Variants in WWP2 observed in about 807,000 individuals in gnomAD.
The protein encoded by WWP2 is WW domain containing E3 ubiquitin protein ligase 2.
A neutral mutation model predicts 121.0 loss-of-function variants in WWP2; 57 were observed. That is an observed-to-expected ratio of 0.47 (90% CI 0.38 to 0.59). WWP2 has a LOEUF of 0.59. Ranked by LOEUF, WWP2 falls within the 20% of genes least tolerant of loss-of-function variation. The pLI is 0.00. For synonymous variants in WWP2, 449 were observed against 441.3 expected (o/e 1.02, Z -0.22); for missense variants, 962 against 1,158.9 (o/e 0.83, Z 2.47).
At chr16:69,871,764 A>G in intron 6 of WWP2, 40 bp from the exon 7 acceptor site, 1 of 1,610,296 alleles carries the variant, frequency 6.2e-7, no homozygotes, top group South Asian at 1.1e-5. Context: ...TCCTTTTCAC[A>G]GTGACTTATG....
chr16:69,780,889 G>A (rs1230631382), intron 1 of WWP2, among the ~76,000 whole-genome samples: 14 of 152,102 alleles, frequency 9.2e-5, no homozygotes, highest in Non-Finnish European at 1.2e-4. Flanking sequence ...TCAGCTGGAT[G>A]TGGTGGCAAA....
At chr16:69,911,217 C>T (rs1220524782) in intron 9 of WWP2, among the ~76,000 whole-genome samples, 2 of 152,220 alleles carry the variant, frequency 1.3e-5, no homozygotes, top group African/African-American at 4.8e-5. Context: ...CCACAGGAAA[C>T]TTGTATGAGA....
chr16:69,849,690 C>T (rs1201756329), intron 6 of WWP2, among the ~76,000 whole-genome samples: 1 of 152,106 alleles, frequency 6.6e-6, no homozygotes, highest in Non-Finnish European at 1.5e-5. Flanking sequence ...ATGCCTGAGT[C>T]CCAGCTCTTT....
At position 69,856,688 on chromosome 16, in the gene WWP2, TG is replaced by T. The variant is rs1316028884; in HGVS notation, c.575+14569del. On this transcript the variant is annotated intron_variant, in intron 6 of 23. Transcript: ENST00000359154. ...ACTCGGGAGGCTGAGGCAGGAGGAT[TG>T]CTTGAACTTGGGAGGTGGAGGTTGC... Among the ~76,000 whole-genome samples, 4 of 151,902 alleles carry T rather than the reference TG, an allele frequency of 2.6e-5. No individual in the cohort carries two copies. In the East Asian group the frequency reaches 5.8e-4, roughly 22 times the overall value.
At chr16:69,801,729 G>A (rs868708467) in intron 4 of WWP2, among the ~76,000 whole-genome samples, 3 of 151,778 alleles carry the variant, frequency 2.0e-5, no homozygotes, top group African/African-American at 4.8e-5. Context: ...ACATTTTGAT[G>A]TATACATTTT....
chr16:69,809,865 G>A (rs1383906243), intron 4 of WWP2, among the ~76,000 whole-genome samples: 1 of 151,580 alleles, frequency 6.6e-6, no homozygotes, highest in Non-Finnish European at 1.5e-5. Flanking sequence ...GGAAAGAAAA[G>A]GAAAAAGCTT....
intron 9 of WWP2, among the ~76,000 whole-genome samples, chr16:69,914,753 C>G (rs1368151967): frequency 6.6e-6 from 1 of 152,110 alleles, no homozygotes; most frequent in Non-Finnish European, 1.5e-5. Context: ...AAGACCCTGT[C>G]TCAAAGAAAC....
intron 4 of WWP2, among the ~76,000 whole-genome samples, chr16:69,807,640 A>AAAG (rs2056308649): frequency 1.3e-5 from 2 of 149,822 alleles, no homozygotes; most frequent in South Asian, 4.2e-4. Flanking sequence ...AAAAAAAAAA[A>AAAG]AAAAGAAAAG....
chr16:69,936,884 G>A (rs2058808128), intron 19 of WWP2: 2 of 546,246 alleles, frequency 3.7e-6, no homozygotes, highest in East Asian at 3.2e-5. Context: ...TCGGCGCTGG[G>A]GGCAGGAGCA....
chr16:69,836,391 T>C (rs2056877282), intron 4 of WWP2, among the ~76,000 whole-genome samples: 1 of 152,056 alleles, frequency 6.6e-6, no homozygotes, highest in Non-Finnish European at 1.5e-5. Flanking sequence ...TCTGATTGCT[T>C]CCTCATGGTA....
chr16:69,934,853 C>T (rs1337190756), intron 17 of WWP2, among the ~76,000 whole-genome samples: 3 of 152,098 alleles, frequency 2.0e-5, no homozygotes, highest in Admixed American at 6.5e-5. Context: ...TCTATGGGGG[C>T]GAAGGGTAGA....
intron 8 of WWP2, 109 bp downstream of exon 8, chr16:69,888,358 G>T: frequency 8.7e-7 from 1 of 1,154,346 alleles, no homozygotes. Context: ...AGTAGCCTCT[G>T]GGGAGGCTGC....
chr16:69,886,821 C>G, intron 7 of WWP2, among the ~76,000 whole-genome samples: 1 of 152,156 alleles, frequency 6.6e-6, no homozygotes, highest in South Asian at 2.1e-4. Flanking sequence ...TGGGATGATT[C>G]TATAGTGAGC....
intron 23 of WWP2, among the ~76,000 whole-genome samples, 175 bp downstream of exon 23, chr16:69,939,588 A>G (rs1358404992): frequency 6.6e-6 from 1 of 152,124 alleles, no homozygotes; most frequent in African/African-American, 2.4e-5. Context: ...CGGGTTTTAC[A>G]TATGAAGCAC....
At chr16:69,822,743 C>T (rs1470124097) in intron 4 of WWP2, among the ~76,000 whole-genome samples, 1 of 152,110 alleles carries the variant, frequency 6.6e-6, no homozygotes, top group Non-Finnish European at 1.5e-5. Flanking sequence ...AGGAGGCCAA[C>T]GGCAGGGAGG....
chr16:69,832,669 A>C (rs982368986), intron 4 of WWP2, among the ~76,000 whole-genome samples: 1 of 151,990 alleles, frequency 6.6e-6, no homozygotes, highest in African/African-American at 2.4e-5. Context: ...CAGCCTCCCA[A>C]GTTAGCTGGG....
chr16:69,860,737 C>T (rs2057401849), intron 6 of WWP2, among the ~76,000 whole-genome samples: 1 of 151,948 alleles, frequency 6.6e-6, no homozygotes, highest in Non-Finnish European at 1.5e-5. Context: ...CTACCCAGCT[C>T]ATGCCTCTAA....
chr16:69,846,059 A>AAAAAAAAAAAAAAAAAAAAAAAAAAAAAC (rs2057071604), intron 6 of WWP2, among the ~76,000 whole-genome samples: 1 of 149,098 alleles, frequency 6.7e-6, no homozygotes, highest in Non-Finnish European at 1.5e-5. Flanking sequence ...CAAAAAAAAA[A>AAAAAAAAAAAAAAAAAAAAAAAAAAAAAC]AAAAAAAAAA....
At chr16:69,869,429 A>G (rs1022154735) in intron 6 of WWP2, among the ~76,000 whole-genome samples, 2 of 146,130 alleles carry the variant, frequency 1.4e-5, no homozygotes, top group African/African-American at 5.1e-5. Flanking sequence ...CTCTTTTGCC[A>G]CGCTCTCAGG....
Sources: allele counts gnomAD v4.1 joint callset (sites outside exome capture counted in the v4.1 genomes callset), GRCh38; gene constraint gnomAD v4.1.1; transcripts MANE v1.5; gene names NCBI Gene and HGNC (gene_info 2026-07-23, HGNC 2026-07-21).